TNR: variants seen among roughly 807,000 people sequenced by gnomAD.
TNR encodes the protein tenascin R.
Under a neutral mutation model 150.4 loss-of-function variants are expected in TNR, and 45 were observed. The observed-to-expected ratio is 0.30, with a 90% CI of 0.24 to 0.38. The LOEUF is 0.38. Ranked by LOEUF, TNR falls within the 10% of genes least tolerant of loss-of-function variation. The pLI is 1.00. For synonymous variants in TNR, 687 were observed against 678.4 expected, an observed-to-expected ratio of 1.01 and a Z score of -0.20; for missense variants, 1,544 against 1,759.1, an observed-to-expected ratio of 0.88 and a Z score of 2.19.
At chr1:175,439,330 A>T (rs1187284425) in intron 2 of TNR, among the ~76,000 whole-genome samples, 4 of 152,130 alleles carry the variant, frequency 2.6e-5, no homozygotes, top group Non-Finnish European at 1.5e-5. Flanking sequence ...ATATGTAGAA[A>T]ACTGAAACTG....
intron 1 of TNR, among the ~76,000 whole-genome samples, chr1:175,648,435 C>T (rs1664865523): frequency 6.6e-6 from 1 of 152,104 alleles, no homozygotes; most frequent in African/African-American, 2.4e-5. Context: ...CTTAAAAGGG[C>T]AACCAACCAA....
chr1:175,630,118 A>G (rs905960313), intron 1 of TNR, among the ~76,000 whole-genome samples: 2 of 152,306 alleles, frequency 1.3e-5, no homozygotes, highest in Admixed American at 1.3e-4. Context: ...AAGTCTAGGA[A>G]CAAGGGCTTT....
chr1:175,662,344 T>C (rs1446170644), intron 1 of TNR, among the ~76,000 whole-genome samples: 2 of 152,100 alleles, frequency 1.3e-5, no homozygotes, highest in African/African-American at 4.8e-5. Flanking sequence ...GTCCTGCCTC[T>C]TCCACAAAGC....
chr1:175,520,808 G>A (rs1420567946), intron 2 of TNR, among the ~76,000 whole-genome samples: 2 of 151,976 alleles, frequency 1.3e-5, no homozygotes, highest in Admixed American at 6.6e-5. Flanking sequence ...TCCTAGCAGG[G>A]TGCCATGTTC....
rs765891793 is a variant in TNR, at chr1:175,328,196, C to G, written c.3793+1878G>C. On this transcript the variant is annotated intron_variant, in intron 21 of 22. Coordinates refer to ENST00000367674, the MANE Select transcript of TNR (RefSeq NM_003285.3). ...CTTCCTGTTTCTTTTTAAAACTAGA[C>G]GATTAGTTTTTGTAAAGGCCATGTT... Among the ~76,000 whole-genome samples, 5 of 152,282 alleles carry G rather than the reference C, an allele frequency of 3.3e-5. No individual in the cohort carries two copies. In the South Asian group the frequency reaches 1.0e-3, roughly 32 times the overall value.
At chr1:175,702,170 C>T (rs1263632152) in intron 1 of TNR, among the ~76,000 whole-genome samples, 1 of 152,132 alleles carries the variant, frequency 6.6e-6, no homozygotes, top group Non-Finnish European at 1.5e-5. Context: ...TTGTATCTTC[C>T]ATGTGTGCTA....
Position 175,536,158 on chromosome 1 carries a change from TA to T in TNR, c.-164-7790del, listed in dbSNP as rs781341759. Among the ~76,000 whole-genome samples, 5 of 152,224 alleles carry T rather than the reference TA, an allele frequency of 3.3e-5. No homozygotes were observed. In the South Asian group the frequency reaches 8.3e-4, roughly 25 times the overall value. On this transcript the variant is annotated intron_variant, in intron 1 of 22. Coordinates refer to ENST00000367674, the MANE Select transcript of TNR (RefSeq NM_003285.3). Reference sequence around the variant, plus strand: ...TAATATTTTGATAGCAATATTTCAATAAAAAATGCAGTTTCCTTTGTAATCT... The same window carrying T: ...TAATATTTTGATAGCAATATTTCAATAAAAATGCAGTTTCCTTTGTAATCT...
intron 1 of TNR, among the ~76,000 whole-genome samples, chr1:175,578,891 G>C (rs1041868137): frequency 2.0e-5 from 3 of 152,198 alleles, no homozygotes; most frequent in African/African-American, 7.2e-5. Context: ...GGTGAAGTCT[G>C]TCTAGGCAGA....
chr1:175,378,422 C>A (rs888542698), intron 9 of TNR, among the ~76,000 whole-genome samples: 10 of 152,132 alleles, frequency 6.6e-5, no homozygotes, highest in African/African-American at 2.4e-4. Context: ...TGGAGACTGA[C>A]AGTCAAATAG....
chr1:175,534,208 T>C (rs999342925), intron 1 of TNR, among the ~76,000 whole-genome samples: 1 of 152,166 alleles, frequency 6.6e-6, no homozygotes, highest in African/African-American at 2.4e-5. Context: ...GGGTTGGGTG[T>C]CCTGAGGGAT....
chr1:175,577,184 G>A (rs1241987490), intron 1 of TNR, among the ~76,000 whole-genome samples: 2 of 152,144 alleles, frequency 1.3e-5, no homozygotes, highest in Non-Finnish European at 2.9e-5. Context: ...TAGGGAGTCT[G>A]GATCCAACTC....
chr1:175,505,858 T>C (rs189259631), intron 2 of TNR, among the ~76,000 whole-genome samples: 1 of 151,766 alleles, frequency 6.6e-6, no homozygotes, highest in African/African-American at 2.4e-5. Flanking sequence ...GTGGCCAACA[T>C]GGCAAAACCC....
intron 2 of TNR, among the ~76,000 whole-genome samples, chr1:175,484,122 G>A (rs1657915039): frequency 6.6e-6 from 1 of 152,234 alleles, no homozygotes; most frequent in Admixed American, 6.5e-5. Context: ...TTGTTCAATT[G>A]TATGAATGGA....
At position 175,599,814 on chromosome 1, in the gene TNR, A is replaced by C; in HGVS notation, c.-164-71445T>G. ...TGTCCCACTTGAAACCAGAAAATACACTTCCCAGATAGCAAGGAGGGGTGA... is the reference window on the plus strand; with the variant it reads ...TGTCCCACTTGAAACCAGAAAATACCCTTCCCAGATAGCAAGGAGGGGTGA... On this transcript the variant is annotated intron_variant, in intron 1 of 22. Transcript: ENST00000367674. This position sits in a 1 kb window ranked among gnomAD's most constrained non-coding sequence, Gnocchi z 4.7. 6.6e-6 allele frequency among the ~76,000 whole-genome samples: 1 copy of C among 152,068 alleles called. No homozygotes were observed. The highest frequency in any genetic ancestry group is 1.5e-5 in the Non-Finnish European group (1 of 68,020).
In TNR at chr1:175,606,174, C is replaced by T. The variant is rs76435960; in HGVS notation, c.-164-77805G>A. Among the ~76,000 whole-genome samples, 1,006 of 152,244 alleles carry T rather than the reference C, an allele frequency of 6.6e-3. 5 individuals carry two copies. Among genetic ancestry groups the T allele is most frequent in the African/African-American group, 0.023 (952 of 41,526 alleles). On this transcript the variant is annotated intron_variant, in intron 1 of 22. Transcript: ENST00000367674. ...ATTCAGACCTGTCATCTTCTGCGTG[C>T]CTTCTTCAGGCGCCAAGGTTTCCTT...
At chr1:175,437,909 C>G (rs1407674994) in intron 2 of TNR, among the ~76,000 whole-genome samples, 2 of 152,118 alleles carry the variant, frequency 1.3e-5, no homozygotes, top group African/African-American at 4.8e-5. Flanking sequence ...CAAAAAAAGT[C>G]CAGGACCAGA....
intron 2 of TNR, among the ~76,000 whole-genome samples, chr1:175,503,942 G>T (rs968829248): frequency 1.3e-5 from 2 of 152,174 alleles, no homozygotes; most frequent in Non-Finnish European, 2.9e-5. Flanking sequence ...GTGGGATGTT[G>T]GGTTTACATA....
Position 175,480,866 on chromosome 1 carries a change from T to C in TNR, c.-64+47403A>G, listed in dbSNP as rs555698936. 2.0e-5 allele frequency among the ~76,000 whole-genome samples: 3 copies of C among 152,328 alleles called. No homozygotes were observed. In the South Asian group the frequency reaches 6.2e-4, roughly 32 times the overall value. On this transcript the variant is annotated intron_variant, in intron 2 of 22. Coordinates refer to ENST00000367674, the MANE Select transcript of TNR (RefSeq NM_003285.3). Reference sequence around the variant, plus strand: ...CTTTGAGTCTCATTGTACTACCTCATGTTAGAAGCATATCCTAGATCACTT... The same window carrying C: ...CTTTGAGTCTCATTGTACTACCTCACGTTAGAAGCATATCCTAGATCACTT...
intron 2 of TNR, among the ~76,000 whole-genome samples, chr1:175,431,909 A>ATCTCTCTCTCTCTCTCTCTCTCCT (rs1655281674): frequency 2.1e-5 from 1 of 47,258 alleles, no homozygotes; most frequent in Non-Finnish European, 3.7e-5. Flanking sequence ...ATGGACCATA[A>ATCTCTCTCTCTCTCTCTCTCTCCT]TATCTCTCTC....
Sources: gnomAD v4.1 joint callset for allele counts (sites outside exome capture counted in the v4.1 genomes callset) on GRCh38, gnomAD v4.1.1 for gene constraint, Gnocchi (gnomAD v3.1) non-coding constraint, MANE v1.5 for transcripts, NCBI Gene and HGNC (gene_info 2026-07-23, HGNC 2026-07-21) for gene names.